The following ERC1 variants were observed in gnomAD, a reference collection of about 807,000 sequenced individuals.
The protein encoded by ERC1 is ELKS/RAB6-interacting/CAST family member 1, also known as RAB6 interacting protein 2.
Under a neutral mutation model 132.0 loss-of-function variants are expected in ERC1, and 56 were observed. That is an observed-to-expected ratio of 0.42 (90% CI 0.34 to 0.53). The LOEUF (loss-of-function observed/expected upper bound fraction) is 0.53, where lower values mean the gene tolerates loss of function less well. ERC1 is among the 20% of genes least tolerant of loss of function. The pLI is 0.03. For missense variants in ERC1, 1,202 were observed against 1,349.9 expected, an observed-to-expected ratio of 0.89 and a Z score of 1.72; for synonymous variants, 478 against 476.1, an observed-to-expected ratio of 1.00 and a Z score of -0.05.
intron 18 of ERC1, among the ~76,000 whole-genome samples, chr12:1,473,111 C>T (rs574727599): frequency 2.4e-4 from 36 of 152,220 alleles, no homozygotes; most frequent in African/African-American, 7.7e-4. Flanking sequence ...CTGCAACCTC[C>T]GCCTCCTGGG....
At chr12:1,258,928 C>T (rs562923692) in intron 13 of ERC1, among the ~76,000 whole-genome samples, 5 of 152,218 alleles carry the variant, frequency 3.3e-5, no homozygotes, top group African/African-American at 1.2e-4. Context: ...TTTGCCTGGT[C>T]TGCTTTTCTC....
chr12:1,420,125 TC>T (rs2092363368), intron 17 of ERC1, among the ~76,000 whole-genome samples: 1 of 152,180 alleles, frequency 6.6e-6, no homozygotes, highest in African/African-American at 2.4e-5. Flanking sequence ...TGCTTAGAAG[TC>T]TTTAAAAGAA....
intron 1 of ERC1, among the ~76,000 whole-genome samples, chr12:1,014,515 A>G (rs1965204504): frequency 6.6e-6 from 1 of 152,152 alleles, no homozygotes; most frequent in South Asian, 2.1e-4. Context: ...TAAAAAGAAA[A>G]TGGAACAGAG....
chr12:1,028,669 T>A, intron 2 of ERC1, 97 bp downstream of exon 2: 1 of 974,226 alleles, frequency 1.0e-6, no homozygotes, highest in Non-Finnish European at 1.5e-6. Flanking sequence ...CTTCGTAGTA[T>A]ATGTATCTTC....
intron 18 of ERC1, among the ~76,000 whole-genome samples, chr12:1,447,029 GA>G (rs761299655): frequency 2.1e-3 from 217 of 101,188 alleles, no homozygotes; most frequent in South Asian, 2.9e-3. Flanking sequence ...TCTCTAAAAC[GA>G]AAAAAAAAAA....
intron 15 of ERC1, among the ~76,000 whole-genome samples, chr12:1,346,786 C>T (rs1191249439): frequency 2.7e-5 from 4 of 150,312 alleles, no homozygotes; most frequent in African/African-American, 9.9e-5. Flanking sequence ...ACTAAAAATA[C>T]AAAAAATTAG....
chr12:1,262,440 C>T lies in ERC1; in HGVS notation c.2488-594C>T, dbSNP rs535440890. Among the ~76,000 whole-genome samples the T allele has an allele frequency of 1.5e-4, 23 of 152,312 alleles. 1 individual carries two copies. In the South Asian group the frequency reaches 2.3e-3, roughly 15 times the overall value. On this transcript the variant is annotated intron_variant, in intron 13 of 18. Coordinates refer to ENST00000360905, the MANE Select transcript of ERC1 (RefSeq NM_178040.4). The stretch of plus-strand genomic sequence containing the variant: ...TAAAATTGCTCATTCTTAGCCAGAC[C>T]GGTCACTTATATCCAGTTGTCATTT...
At chr12:1,342,444 G>A (rs1016451896) in intron 15 of ERC1, among the ~76,000 whole-genome samples, 25 of 147,346 alleles carry the variant, frequency 1.7e-4, no homozygotes, top group African/African-American at 6.0e-4. Flanking sequence ...TCCAGCCTGG[G>A]CGACAAAGAG....
intron 2 of ERC1, among the ~76,000 whole-genome samples, chr12:1,039,350 A>T (rs1231648284): frequency 7.4e-5 from 11 of 147,870 alleles, no homozygotes; most frequent in Admixed American, 3.3e-4. Context: ...AAAAAAAAAA[A>T]AATAAAAATA....
chr12:1,020,816 G>C (rs61918693), intron 1 of ERC1: 23,410 of 152,136 alleles, frequency 0.15, 2,138 homozygotes, highest in Non-Finnish European at 0.2. Flanking sequence ...AAGTCATTAA[G>C]TCCAGTCCAC....
chr12:1,296,399 G>GTTT (rs2079938073), intron 15 of ERC1, among the ~76,000 whole-genome samples: 4 of 117,884 alleles, frequency 3.4e-5, no homozygotes, highest in Non-Finnish European at 7.0e-5. Context: ...TTATTGGATA[G>GTTT]TCTTTTTTTT....
chr12:1,227,394 C>A (rs2074669028), intron 12 of ERC1, among the ~76,000 whole-genome samples: 1 of 152,166 alleles, frequency 6.6e-6, no homozygotes, highest in South Asian at 2.1e-4. Context: ...CGTATTTTCA[C>A]ATTTAGCTAT....
At chr12:1,401,080 C>A (rs558469245) in intron 16 of ERC1, among the ~76,000 whole-genome samples, 6 of 151,486 alleles carry the variant, frequency 4.0e-5, no homozygotes, top group South Asian at 4.2e-4. Context: ...GGACTACAGA[C>A]GCCCACCGCT....
intron 15 of ERC1, among the ~76,000 whole-genome samples, chr12:1,296,515 G>T (rs2079961313): frequency 6.7e-6 from 1 of 148,894 alleles, no homozygotes; most frequent in South Asian, 2.1e-4. Flanking sequence ...CTGGGTTCAG[G>T]CGATCCTCCT....
At chr12:1,292,976 C>T (rs2079564738) in intron 15 of ERC1, among the ~76,000 whole-genome samples, 1 of 151,454 alleles carries the variant, frequency 6.6e-6, no homozygotes, top group African/African-American at 2.4e-5. Context: ...GAACCCTCGT[C>T]TCTACTAAAA....
At chr12:1,022,644 T>C (rs553980813) in intron 1 of ERC1, among the ~76,000 whole-genome samples, 103 of 152,246 alleles carry the variant, frequency 6.8e-4, no homozygotes, top group Non-Finnish European at 9.7e-4. Flanking sequence ...GCTGTTCTGA[T>C]AGTGAGTGCT....
At chr12:1,225,230 G>A (rs530522138) in intron 12 of ERC1, among the ~76,000 whole-genome samples, 3 of 151,692 alleles carry the variant, frequency 2.0e-5, no homozygotes, top group African/African-American at 4.8e-5. Context: ...AGTCTGAGAC[G>A]AGAGGATCAC....
At chr12:1,233,418 C>A (rs981418944) in intron 12 of ERC1, among the ~76,000 whole-genome samples, 2 of 143,308 alleles carry the variant, frequency 1.4e-5, no homozygotes, top group African/African-American at 5.2e-5. Context: ...TTGCAGTCAG[C>A]CAACATTGCG....
At chr12:1,121,827 CTCTATCT>C (rs1947272195) in intron 7 of ERC1, among the ~76,000 whole-genome samples, 1 of 20,216 alleles carries the variant, frequency 4.9e-5, no homozygotes, top group South Asian at 1.8e-3. Context: ...CTATCTGTGT[CTCTATCT>C]CTATCTATCT....
Sources: gnomAD v4.1 joint callset for allele counts (sites outside exome capture counted in the v4.1 genomes callset) on GRCh38, gnomAD v4.1.1 for gene constraint, MANE v1.5 for transcripts, NCBI Gene and HGNC (gene_info 2026-07-23, HGNC 2026-07-21) for gene names.